C5orf58: variants seen among roughly 807,000 people sequenced by gnomAD.
C5orf58 encodes the protein putative uncharacterized protein C5orf58.
Under a neutral mutation model 2.9 loss-of-function variants are expected in C5orf58, and 2 were observed. The ratio of observed to expected loss-of-function variants is 0.69; its 90% CI spans 0.28 to 2.18. The LOEUF is 2.18. Among genes scored for constraint, C5orf58 ranks in the 30% most tolerant of loss-of-function variants. C5orf58 has a pLI of 0.13. For missense variants in C5orf58, 96 were observed against 91.7 expected, an observed-to-expected ratio of 1.05 and a Z score of -0.19; for synonymous variants, 37 against 33.4, an observed-to-expected ratio of 1.11 and a Z score of -0.37.
At position 170,246,178 on chromosome 5, in the gene C5orf58, T is replaced by C; in HGVS notation, c.*65T>C. ...AACAAATATTTGGGAGAGTTGAGTT[T>C]ACTAATTTGTATATATATAATTTAA... On this transcript the variant is annotated 3_prime_UTR_variant, in exon 4 of 4. Transcript: ENST00000593851. The C allele has an allele frequency of 7.8e-7, 1 of 1,288,888 alleles. No individual in the cohort carries two copies. The highest frequency in any genetic ancestry group is 1.1e-6 in the Non-Finnish European group (1 of 926,938). 79.8% of individuals were successfully genotyped at this position (1,288,888 alleles called of 1,614,324 possible).
downstream of C5orf58, among the ~76,000 whole-genome samples, chr5:170,249,377 T>TATAG (rs1561964394): frequency 7.8e-6 from 1 of 127,572 alleles, no homozygotes; most frequent in Non-Finnish European, 1.8e-5. Context: ...TATATATATA[T>TATAG]ATATCTACAT....
At chr5:170,250,892 A>G (rs1226062150), downstream of C5orf58, 1 of 1,612,332 alleles carries the variant, frequency 6.2e-7, no homozygotes, top group South Asian at 1.1e-5. Flanking sequence ...CATCCTAAAA[A>G]GACAAATTCC....
At chr5:170,240,044 C>T (rs1003576597) in intron 3 of C5orf58, among the ~76,000 whole-genome samples, 3 of 149,734 alleles carry the variant, frequency 2.0e-5, no homozygotes, top group South Asian at 2.1e-4. Context: ...TTTGTTCTTG[C>T]GATAGTTTAC....
In C5orf58 at chr5:170,246,059, T is replaced by G. The variant is rs542477461; in HGVS notation, c.192T>G (p.Phe64Leu). The change falls in exon 4 of 4, where the codon TTT becomes TTG. Residue 64 changes from phenylalanine to leucine, a missense_variant. Coordinates refer to ENST00000593851, the MANE Select transcript of C5orf58 (RefSeq NM_001102609.3). Reference sequence around the variant, plus strand: ...AAGCAGAAAGAAACAACCCCCTCTTTGAAGAGTCTAAAATATCAGATGTAT... The same window carrying G: ...AAGCAGAAAGAAACAACCCCCTCTTGGAAGAGTCTAAAATATCAGATGTAT... ...LAEAERNNPL[F>L]EESKISDVSL... The G allele has an allele frequency of 1.9e-6, 3 of 1,613,652 alleles. No homozygotes were observed. The South Asian group carries it at 3.3e-5, about 18-fold the overall frequency.
intron 3 of C5orf58, among the ~76,000 whole-genome samples, chr5:170,243,641 C>T (rs1356679430): frequency 3.3e-5 from 5 of 149,346 alleles, no homozygotes; most frequent in Non-Finnish European, 3.0e-5. Context: ...GTAGATCTTC[C>T]TCCATCCTTT....
chr5:170,252,310 G>T, downstream of C5orf58: 3 of 525,282 alleles, frequency 5.7e-6, no homozygotes, highest in East Asian at 3.0e-5. Flanking sequence ...GGGTCTCCTA[G>T]GTATTACAGA....
Position 170,246,230 on chromosome 5 carries a change from C to G in C5orf58, c.*117C>G, listed in dbSNP as rs1172657313. On this transcript the variant is annotated 3_prime_UTR_variant, in exon 4 of 4. Coordinates refer to ENST00000593851, the MANE Select transcript of C5orf58 (RefSeq NM_001102609.3). ...ACAAAATAAAAATAATGTAAACAAG[C>G]AGTTCATGTTCTTGAAGGCTGTTTA... 5.8e-6 allele frequency: 5 copies of G among 855,718 alleles called. No homozygotes were observed. Among genetic ancestry groups the G allele is most frequent in the Non-Finnish European group, 8.5e-6 (5 of 586,648 alleles). The allele number at this position is 855,718 out of a possible 1,614,324, so 53.0% of individuals were successfully genotyped here. A position where few individuals can be genotyped will look rare whatever the true frequency, so the allele number is the denominator to read the frequency against.
intron 3 of C5orf58, among the ~76,000 whole-genome samples, chr5:170,236,941 G>A (rs950519350): frequency 6.6e-6 from 1 of 152,060 alleles, no homozygotes. Flanking sequence ...GGTATTTCTA[G>A]TACTTAACAC....
At chr5:170,251,206 G>A (rs1465981764), downstream of C5orf58, 1 of 231,804 alleles carries the variant, frequency 4.3e-6, no homozygotes, top group Non-Finnish European at 8.5e-6. Flanking sequence ...TGGATAAAAG[G>A]CCAGGAGAAA....
downstream of C5orf58, chr5:170,250,976 A>G: frequency 9.9e-7 from 1 of 1,009,634 alleles, no homozygotes; most frequent in South Asian, 1.5e-5. Context: ...TAGGGATCTG[A>G]CAAACATGTC....
chr5:170,236,746 C>T (rs1053521871), intron 3 of C5orf58, among the ~76,000 whole-genome samples: 1 of 152,188 alleles, frequency 6.6e-6, no homozygotes, highest in African/African-American at 2.4e-5. Flanking sequence ...TGTCTGAAAT[C>T]CCATTGCTAT....
chr5:170,239,831 T>A (rs1048459628), intron 3 of C5orf58, among the ~76,000 whole-genome samples: 9 of 152,166 alleles, frequency 5.9e-5, no homozygotes, highest in African/African-American at 1.9e-4. Context: ...TTGTGCAGGT[T>A]AGTTACATAT....
Position 170,241,183 on chromosome 5 carries a change from G to A in C5orf58, c.95-4779G>A, listed in dbSNP as rs1169282672. The stretch of plus-strand genomic sequence containing the variant: ...ATGCTGTTTTGGTTAGTGTAGCCTT[G>A]TAGTATAGTTTGAAGTCAGGTAGTG... On this transcript the variant is annotated intron_variant, in intron 3 of 3. Coordinates refer to ENST00000593851, the MANE Select transcript of C5orf58 (RefSeq NM_001102609.3). Among the ~76,000 whole-genome samples, 9 of 152,182 alleles carry A rather than the reference G, an allele frequency of 5.9e-5. No homozygotes were observed. In the East Asian group the frequency reaches 9.6e-4, roughly 16 times the overall value.
At chr5:170,234,264 G>C in intron 2 of C5orf58, 66 bp downstream of exon 2, 2 of 975,664 alleles carry the variant, frequency 2.0e-6, no homozygotes, top group Non-Finnish European at 3.0e-6. Flanking sequence ...TCACACTGCT[G>C]GAGTTGTGTA....
chr5:170,247,681 T>C (rs1467446451), downstream of C5orf58: 1 of 152,228 alleles, frequency 6.6e-6, no homozygotes, highest in African/African-American at 2.4e-5. Context: ...TACAGCCTGT[T>C]TGGGAAGGAT....
At chr5:170,250,321 A>C (rs995503325), downstream of C5orf58, among the ~76,000 whole-genome samples, 7 of 152,238 alleles carry the variant, frequency 4.6e-5, no homozygotes, top group Non-Finnish European at 8.8e-5. Flanking sequence ...AAATGAGCCA[A>C]GTATTTGAAT....
chr5:170,235,593 T>G (rs116316436), intron 3 of C5orf58, among the ~76,000 whole-genome samples: 2,109 of 152,338 alleles, frequency 0.014, 27 homozygotes, highest in Middle Eastern at 0.048. Context: ...CTAGGGATAA[T>G]CTATCCCTGA....
At chr5:170,252,420 CTA>C (rs1455903215), downstream of C5orf58, 1 of 1,474,694 alleles carries the variant, frequency 6.8e-7, no homozygotes, top group African/African-American at 1.4e-5. Flanking sequence ...TTAAAATAAA[CTA>C]TAGCACAATA....
chr5:170,252,079 G>A (rs1274574601), exon 3 of C5orf58: 3 of 201,466 alleles, frequency 1.5e-5, no homozygotes, highest in South Asian at 9.0e-5. Context: ...TGGCACGTCT[G>A]TGTTAAGAGG....
Sources: gnomAD v4.1 joint callset for allele counts (sites outside exome capture counted in the v4.1 genomes callset) on GRCh38, gnomAD v4.1.1 for gene constraint, MANE v1.5 for transcripts, NCBI Gene and HGNC (gene_info 2026-07-23, HGNC 2026-07-21) for gene names.